OTOGL: variants seen among roughly 807,000 people sequenced by gnomAD.
OTOGL encodes otogelin-like protein.
In OTOGL, 285 loss-of-function variants were observed where a neutral mutation model predicts 318.5. That is an observed-to-expected ratio of 0.89 (90% CI 0.81 to 0.99). The LOEUF is 0.99. OTOGL is among the 50% of genes least tolerant of loss of function. The probability of loss-of-function intolerance (pLI) is 0.00; values close to 1 mark genes in which losing one functional copy is unlikely to be tolerated. For synonymous variants in OTOGL, 987 were observed against 936.5 expected (o/e 1.05, Z -0.99); for missense variants, 2,899 against 2,845.6 (o/e 1.02, Z -0.43).
At chr12:80,263,998 T>A (rs995135484) in intron 19 of OTOGL, among the ~76,000 whole-genome samples, 4 of 152,112 alleles carry the variant, frequency 2.6e-5, no homozygotes, top group Non-Finnish European at 2.9e-5. Flanking sequence ...ATATCATACT[T>A]GAGCAATTAT....
intron 26 of OTOGL, among the ~76,000 whole-genome samples, chr12:80,287,482 A>G (rs937137696): frequency 1.3e-5 from 2 of 148,346 alleles, no homozygotes; most frequent in African/African-American, 5.3e-5. Flanking sequence ...GATATGTCTC[A>G]TATTGACAGT....
intron 1 of OTOGL, among the ~76,000 whole-genome samples, chr12:80,139,664 A>C (rs1252070771): frequency 1.3e-5 from 2 of 152,160 alleles, no homozygotes; most frequent in African/African-American, 4.8e-5. Context: ...ATAAAATTAA[A>C]ATATATTTAA....
chr12:80,322,371 G>A (rs528239284), intron 34 of OTOGL, among the ~76,000 whole-genome samples: 1 of 152,098 alleles, frequency 6.6e-6, no homozygotes, highest in African/African-American at 2.4e-5. Flanking sequence ...GAGAACTGCA[G>A]CACATGGCAT....
chr12:80,156,666 A>G (rs1369944824), intron 1 of OTOGL, among the ~76,000 whole-genome samples: 1 of 152,036 alleles, frequency 6.6e-6, no homozygotes, highest in African/African-American at 2.4e-5. Flanking sequence ...CCCCAGCACA[A>G]ATTCCCTCTT....
chr12:80,348,359 A>G (rs1032738131), intron 44 of OTOGL, among the ~76,000 whole-genome samples: 17 of 152,130 alleles, frequency 1.1e-4, no homozygotes, highest in African/African-American at 3.9e-4. Context: ...TTTTCCCAAC[A>G]CTATTTATTA....
At chr12:80,279,280 C>A in intron 26 of OTOGL, 114 bp downstream of exon 26, 1 of 1,082,234 alleles carries the variant, frequency 9.2e-7, no homozygotes, top group Non-Finnish European at 1.3e-6. Flanking sequence ...ACCTATAAAA[C>A]AATTATATAT....
chr12:80,213,952 T>C (rs1877480584), intron 4 of OTOGL, among the ~76,000 whole-genome samples: 1 of 152,194 alleles, frequency 6.6e-6, no homozygotes, highest in African/African-American at 2.4e-5. Flanking sequence ...CAGAAATATG[T>C]TGGCAATGAG....
Position 80,266,551 on chromosome 12 carries a change from T to C in OTOGL, c.2325T>C (p.Cys775=), listed in dbSNP as rs750751210. The C allele has an allele frequency of 6.2e-7, 1 of 1,613,592 alleles. No individual in the cohort carries two copies. Among genetic ancestry groups the C allele is most frequent in the Middle Eastern group, 1.7e-4 (1 of 6,054 alleles). The change falls in exon 21 of 59, where the codon TGT becomes TGC. Residue 775 remains cysteine, a synonymous_variant. Transcript: ENST00000547103. ...LSSPEQCSDD[C]AEGCNCPEGK... ...CCCCGGAGCAGTGCAGTGATGACTGTGCTGAAGGCTGTAATTGTCCGGAAG... is the reference window on the plus strand; with the variant it reads ...CCCCGGAGCAGTGCAGTGATGACTGCGCTGAAGGCTGTAATTGTCCGGAAG...
intron 31 of OTOGL, 52 bp downstream of exon 31, chr12:80,313,684 A>G (rs1281191334): frequency 4.2e-6 from 6 of 1,413,938 alleles, no homozygotes; most frequent in Non-Finnish European, 5.7e-6. Flanking sequence ...AAAGAGATAC[A>G]TATTAATTGT....
intron 1 of OTOGL, among the ~76,000 whole-genome samples, chr12:80,158,220 A>C (rs989937347): frequency 6.6e-6 from 1 of 152,132 alleles, no homozygotes; most frequent in Admixed American, 6.6e-5. Flanking sequence ...ACTTGAACTG[A>C]CATGAAGCTA....
chr12:80,306,794 T>TATTA (rs1555294417), intron 29 of OTOGL, among the ~76,000 whole-genome samples: 5 of 129,156 alleles, frequency 3.9e-5, no homozygotes, highest in Non-Finnish European at 6.4e-5. Context: ...TAAATTTTAT[T>TATTA]TTATTATTAT....
At chr12:80,285,564 G>A (rs935864431) in intron 26 of OTOGL, among the ~76,000 whole-genome samples, 2 of 151,984 alleles carry the variant, frequency 1.3e-5, no homozygotes, top group Non-Finnish European at 2.9e-5. Context: ...TTGAGCAATG[G>A]TTTGTAGTTC....
At position 80,296,559 on chromosome 12, in the gene OTOGL, G is replaced by A. The variant is rs1470731; in HGVS notation, c.2929-268G>A. On this transcript the variant is annotated intron_variant, in intron 26 of 58. Coordinates refer to ENST00000547103, the MANE Select transcript of OTOGL (RefSeq NM_001378609.3). ...TTGATAAATAAAATGATAATGGTTG[G>A]TACATTTGAGCTATAGAAATAAAAT... Among the ~76,000 whole-genome samples, 84,922 of 151,978 alleles carry A rather than the reference G, an allele frequency of 0.56. 26,525 individuals carry two copies. Among genetic ancestry groups the A allele is most frequent in the East Asian group, 0.9 (4,679 of 5,182 alleles).
At chr12:80,355,526 GA>G (rs1414660607) in intron 46 of OTOGL, among the ~76,000 whole-genome samples, 1 of 151,616 alleles carries the variant, frequency 6.6e-6, no homozygotes, top group East Asian at 1.9e-4. Flanking sequence ...ATCTGACCAG[GA>G]AAAAAATATT....
intron 1 of OTOGL, among the ~76,000 whole-genome samples, chr12:80,134,989 T>C (rs1047960700): frequency 1.4e-4 from 21 of 152,200 alleles, no homozygotes; most frequent in African/African-American, 5.1e-4. Context: ...TCAGTTGACC[T>C]TTCTCTAGCT....
intron 29 of OTOGL, 90 bp downstream of exon 29, chr12:80,305,785 A>AT: frequency 9.7e-7 from 1 of 1,030,920 alleles, no homozygotes. Context: ...AGGTAATATT[A>AT]TTTTACATAC....
intron 57 of OTOGL, among the ~76,000 whole-genome samples, chr12:80,372,833 C>T (rs1890964458): frequency 6.6e-6 from 1 of 151,962 alleles, no homozygotes; most frequent in African/African-American, 2.4e-5. Flanking sequence ...GGATTACACG[C>T]ATGCGCCATC....
intron 17 of OTOGL, 70 bp downstream of exon 17, chr12:80,256,530 C>T: frequency 1.2e-6 from 1 of 859,730 alleles, no homozygotes; most frequent in East Asian, 3.6e-5. Context: ...ACAACACACG[C>T]AAACAAAATG....
intron 1 of OTOGL, among the ~76,000 whole-genome samples, chr12:80,150,280 T>G (rs1002966905): frequency 6.6e-6 from 1 of 152,228 alleles, no homozygotes; most frequent in African/African-American, 2.4e-5. Flanking sequence ...GATATTCATT[T>G]TGAAAATGGT....
Sources: allele counts gnomAD v4.1 joint callset (sites outside exome capture counted in the v4.1 genomes callset), GRCh38; gene constraint gnomAD v4.1.1; transcripts MANE v1.5; gene names NCBI Gene and HGNC (gene_info 2026-07-23, HGNC 2026-07-21).